LYN: variants seen among roughly 807,000 people sequenced by gnomAD.
LYN encodes the protein LYN proto-oncogene, Src family tyrosine kinase, also known as tyrosine-protein kinase Lyn.
Under a neutral mutation model 65.0 loss-of-function variants are expected in LYN, and 12 were observed. The observed-to-expected ratio is 0.18, with a 90% CI of 0.12 to 0.30. The LOEUF is 0.30. LYN is among the 10% of genes least tolerant of loss of function. LYN has a pLI of 1.00. For missense variants in LYN, 380 were observed against 623.2 expected, an observed-to-expected ratio of 0.61 and a Z score of 4.16; for synonymous variants, 222 against 221.2, an observed-to-expected ratio of 1.00 and a Z score of -0.03.
chr8:55,990,953 C>T (rs1176406481), intron 10 of LYN, among the ~76,000 whole-genome samples: 2 of 152,206 alleles, frequency 1.3e-5, no homozygotes, highest in Non-Finnish European at 2.9e-5. Flanking sequence ...TGTATTCTGT[C>T]CCCACTCTGC....
At chr8:55,998,217 A>T in intron 10 of LYN, 129 bp from the exon 11 acceptor site, 1 of 641,520 alleles carries the variant, frequency 1.6e-6, no homozygotes, top group Non-Finnish European at 2.7e-6. Context: ...CACTGTCTTT[A>T]AAAGCTGAAT....
chr8:55,887,937 A>G (rs1000701573), intron 1 of LYN, among the ~76,000 whole-genome samples: 4 of 152,142 alleles, frequency 2.6e-5, no homozygotes, highest in African/African-American at 7.2e-5. Flanking sequence ...ACGGCAGGAT[A>G]TAAGGAGCAA....
At chr8:55,935,051 A>G (rs562092707) in intron 1 of LYN, among the ~76,000 whole-genome samples, 7 of 152,128 alleles carry the variant, frequency 4.6e-5, no homozygotes, top group African/African-American at 1.2e-4. Context: ...GGCCATGGTC[A>G]TAGCCTAGAG....
chr8:56,005,602 C>G (rs946463067), intron 12 of LYN, among the ~76,000 whole-genome samples: 9 of 152,228 alleles, frequency 5.9e-5, no homozygotes, highest in Non-Finnish European at 1.5e-5. Context: ...ACCACTTCTT[C>G]CTCTGGCTGC....
At chr8:55,881,032 G>T (rs1804641877) in intron 1 of LYN, among the ~76,000 whole-genome samples, 1 of 152,166 alleles carries the variant, frequency 6.6e-6, no homozygotes, top group African/African-American at 2.4e-5. Context: ...TTAGGGGACC[G>T]ATTATTGAAA....
At chr8:55,908,222 C>CATTTATTTATTTATTTATTTATTT (rs60930363) in intron 1 of LYN, among the ~76,000 whole-genome samples, 107 of 143,048 alleles carry the variant, frequency 7.5e-4, no homozygotes, top group African/African-American at 2.5e-3. Context: ...CTGTTTAAAC[C>CATTTATTTATTTATTTATTTATTT]ATTTATTTAT....
intron 8 of LYN, among the ~76,000 whole-genome samples, chr8:55,958,533 T>C (rs1161684964): frequency 6.6e-6 from 1 of 151,852 alleles, no homozygotes; most frequent in Non-Finnish European, 1.5e-5. Context: ...TCAGTAGTGT[T>C]AAATGCATCT....
intron 1 of LYN, among the ~76,000 whole-genome samples, chr8:55,937,570 A>G (rs60508113): frequency 0.14 from 21,636 of 152,216 alleles, 1,668 homozygotes; most frequent in Middle Eastern, 0.29. Context: ...TTAAAGAACA[A>G]ATTTCAAGAA....
rs143103162 is a variant in LYN at position 55,886,081 on chromosome 8, A to G, written c.-6+5978A>G. Among the ~76,000 whole-genome samples the G allele has an allele frequency of 3.9e-4, 59 of 152,294 alleles. No homozygotes were observed. The East Asian group carries it at 0.011, about 28-fold the overall frequency. On this transcript the variant is annotated intron_variant, in intron 1 of 12. Transcript: ENST00000519728. ...AATGTACATTTTGAAATTCCCCGTC[A>G]TGGAAAGTGTTATGAAACTCTTGGG...
At chr8:55,997,556 C>G (rs1035635107) in intron 10 of LYN, among the ~76,000 whole-genome samples, 1 of 152,070 alleles carries the variant, frequency 6.6e-6, no homozygotes, top group Admixed American at 6.5e-5. Context: ...TAATCCCATT[C>G]GTGAGGGCTC....
At chr8:55,963,253 G>T (rs1293285439) in intron 8 of LYN, among the ~76,000 whole-genome samples, 1 of 152,190 alleles carries the variant, frequency 6.6e-6, no homozygotes, top group Non-Finnish European at 1.5e-5. Flanking sequence ...GGATCGTAAG[G>T]TGTATGAATC....
rs1807470132 is a variant in LYN, at chr8:55,966,704, T to G, written c.791-11T>G. On this transcript the variant is annotated splice_polypyrimidine_tract_variant and intron_variant, in intron 8 of 12. Coordinates refer to ENST00000519728, the MANE Select transcript of LYN (RefSeq NM_002350.4). ...TTTATAAAGCATGCCCGCCTTCTTT[T>G]TTCTTCCTAGGTTACTATAACAACA... is the stretch of plus-strand genomic sequence containing the variant. The G allele has an allele frequency of 6.2e-7, 1 of 1,607,874 alleles. No individual in the cohort carries two copies. The highest frequency in any genetic ancestry group is 1.1e-5 in the South Asian group (1 of 90,404).
intron 1 of LYN, among the ~76,000 whole-genome samples, chr8:55,939,717 C>G (rs955315147): frequency 6.6e-6 from 1 of 152,160 alleles, no homozygotes; most frequent in South Asian, 2.1e-4. Flanking sequence ...ACGTATTTGC[C>G]CATTTGTAAA....
chr8:55,960,571 G>A (rs1240244843), intron 8 of LYN, among the ~76,000 whole-genome samples: 1 of 152,134 alleles, frequency 6.6e-6, no homozygotes, highest in Non-Finnish European at 1.5e-5. Context: ...GTGATTTTAT[G>A]TTACAAATAG....
intron 1 of LYN, chr8:55,902,717 AT>A: frequency 2.1e-6 from 1 of 484,742 alleles, no homozygotes; most frequent in African/African-American, 2.0e-5. Flanking sequence ...ACTCATAAGC[AT>A]GGCAAAATGT....
At chr8:55,939,455 C>T (rs1017130075) in intron 1 of LYN, among the ~76,000 whole-genome samples, 11 of 136,526 alleles carry the variant, frequency 8.1e-5, no homozygotes, top group African/African-American at 3.8e-4. Context: ...CTTCCTTTTC[C>T]CAAGAGAAGA....
At chr8:55,951,871 G>T in intron 6 of LYN, 95 bp from the exon 7 acceptor site, 1 of 922,640 alleles carries the variant, frequency 1.1e-6, no homozygotes, top group South Asian at 1.6e-5. Flanking sequence ...TATGTATTTT[G>T]CATATTTGTA....
At position 55,894,624 on chromosome 8, in the gene LYN, G is replaced by A. The variant is rs537227195; in HGVS notation, c.-6+14521G>A. On this transcript the variant is annotated intron_variant, in intron 1 of 12. Transcript: ENST00000519728. Reference sequence around the variant, plus strand: ...CTTGGCTCACTGCAACCTCTGCCTCGTGGGTTCAAGCTATTCTCCTTCTTC... The same window carrying A: ...CTTGGCTCACTGCAACCTCTGCCTCATGGGTTCAAGCTATTCTCCTTCTTC... Among the ~76,000 whole-genome samples, 8 of 151,330 alleles carry A rather than the reference G, an allele frequency of 5.3e-5. No individual in the cohort carries two copies. The East Asian group carries it at 5.8e-4, about 11-fold the overall frequency.
chr8:55,958,713 A>ATTTGTCTT lies in LYN; in HGVS notation c.790+4737_790+4744dup, dbSNP rs1336609702. ...CCTCAAATAATTAGAATCATACAGT[A>ATTTGTCTT]TTTGTCTTTTTGTCTCTGGCTTACT... On this transcript the variant is annotated intron_variant, in intron 8 of 12. Transcript: ENST00000519728. 3.9e-5 allele frequency among the ~76,000 whole-genome samples: 6 copies of ATTTGTCTT among 152,264 alleles called. No homozygotes were observed. In the East Asian group the frequency reaches 9.6e-4, roughly 24 times the overall value.
Sources: gnomAD v4.1 joint callset for allele counts (sites outside exome capture counted in the v4.1 genomes callset) on GRCh38, gnomAD v4.1.1 for gene constraint, MANE v1.5 for transcripts, NCBI Gene and HGNC (gene_info 2026-07-23, HGNC 2026-07-21) for gene names.